The following NAALADL2 variants were observed in gnomAD, a reference collection of about 807,000 sequenced individuals.
NAALADL2 encodes the protein N-acetylated alpha-linked acidic dipeptidase like 2.
Under a neutral mutation model 87.2 loss-of-function variants are expected in NAALADL2, and 76 were observed. The ratio of observed to expected loss-of-function variants is 0.87; its 90% CI spans 0.72 to 1.05. The LOEUF (loss-of-function observed/expected upper bound fraction) is 1.05. Among genes scored for constraint, NAALADL2 ranks in the 50% least tolerant of loss-of-function variants. The probability of loss-of-function intolerance (pLI) is 0.00; values close to 1 mark genes in which losing one functional copy is unlikely to be tolerated. For missense variants in NAALADL2, 1,089 were observed against 945.8 expected (o/e 1.15, Z -1.99); for synonymous variants, 354 against 331.0 (o/e 1.07, Z -0.75).
At chr3:174,832,902 T>G (rs1259322004) in intron 3 of NAALADL2, among the ~76,000 whole-genome samples, 2 of 152,230 alleles carry the variant, frequency 1.3e-5, no homozygotes, top group Non-Finnish European at 2.9e-5. Context: ...AAAGATGTCG[T>G]CGTGTAATTT....
chr3:174,934,304 C>T (rs1005251827), intron 1 of NAALADL2, among the ~76,000 whole-genome samples: 2 of 152,114 alleles, frequency 1.3e-5, no homozygotes, highest in Non-Finnish European at 2.9e-5. Flanking sequence ...GATTACATGT[C>T]AAATGAGCAA....
chr3:175,270,314 G>A (rs965726376), intron 4 of NAALADL2, among the ~76,000 whole-genome samples: 2 of 152,134 alleles, frequency 1.3e-5, no homozygotes, highest in African/African-American at 4.8e-5. Flanking sequence ...GACTTAAGGG[G>A]TGAAAAATAT....
chr3:174,830,256 C>T (rs376861371), intron 3 of NAALADL2, among the ~76,000 whole-genome samples: 5 of 147,682 alleles, frequency 3.4e-5, no homozygotes, highest in South Asian at 4.3e-4. Context: ...TTAGGTCTAA[C>T]GTTTAAGTCT....
chr3:175,147,889 G>A (rs1299050763), intron 2 of NAALADL2, among the ~76,000 whole-genome samples: 1 of 151,824 alleles, frequency 6.6e-6, no homozygotes, highest in Non-Finnish European at 1.5e-5. Flanking sequence ...GACCAACATG[G>A]TGAAACCTCG....
chr3:174,796,434 AT>A (rs1718098716), intron 3 of NAALADL2, among the ~76,000 whole-genome samples: 1 of 152,032 alleles, frequency 6.6e-6, no homozygotes, highest in African/African-American at 2.4e-5. Flanking sequence ...GCCCATGTGT[AT>A]TCATTATTTA....
chr3:175,384,063 CTATT>C (rs1345786887), intron 5 of NAALADL2, among the ~76,000 whole-genome samples: 1 of 151,968 alleles, frequency 6.6e-6, no homozygotes, highest in Non-Finnish European at 1.5e-5. Context: ...TATCATTTGC[CTATT>C]TATTTTTGTA....
intron 9 of NAALADL2, among the ~76,000 whole-genome samples, chr3:175,485,248 G>T (rs1727078361): frequency 6.6e-6 from 1 of 152,134 alleles, no homozygotes. Flanking sequence ...GTTTGGAAGT[G>T]GGACTTTTGG....
At chr3:174,990,601 CA>C in intron 1 of NAALADL2, among the ~76,000 whole-genome samples, 1 of 151,756 alleles carries the variant, frequency 6.6e-6, no homozygotes, top group Non-Finnish European at 1.5e-5. Context: ...AGGAACTTTT[CA>C]AAAGTCGATA....
chr3:175,566,541 G>C (rs1026982949), intron 9 of NAALADL2, among the ~76,000 whole-genome samples: 3 of 151,974 alleles, frequency 2.0e-5, no homozygotes, highest in African/African-American at 7.2e-5. Flanking sequence ...TTATATGTGT[G>C]CAATCTAACT....
chr3:175,669,994 T>C (rs1023491703), intron 11 of NAALADL2, among the ~76,000 whole-genome samples: 1 of 152,054 alleles, frequency 6.6e-6, no homozygotes, highest in Non-Finnish European at 1.5e-5. Flanking sequence ...AATATAAAAA[T>C]GTAGGAATAA....
At chr3:175,006,648 G>GAA (rs146490304) in intron 1 of NAALADL2, among the ~76,000 whole-genome samples, 6,901 of 148,412 alleles carry the variant, frequency 0.046, 380 homozygotes, top group African/African-American at 0.14. Flanking sequence ...GAGGAAAGCA[G>GAA]AAAAAAAAAA....
intron 5 of NAALADL2, among the ~76,000 whole-genome samples, chr3:175,350,426 T>C (rs957669215): frequency 3.3e-5 from 5 of 152,268 alleles, no homozygotes; most frequent in African/African-American, 1.2e-4. Flanking sequence ...ACTGCTAATT[T>C]GGATGGTGTG....
At chr3:175,326,240 T>C (rs1432004901) in intron 5 of NAALADL2, among the ~76,000 whole-genome samples, 4 of 152,220 alleles carry the variant, frequency 2.6e-5, no homozygotes, top group African/African-American at 9.6e-5. Context: ...CAGTTTTCAG[T>C]ACATTGTTCC....
intron 9 of NAALADL2, among the ~76,000 whole-genome samples, chr3:175,482,377 T>C (rs1352471548): frequency 3.4e-5 from 5 of 146,932 alleles, no homozygotes; most frequent in Non-Finnish European, 6.0e-5. Context: ...AACCGTAGAC[T>C]GCAGATGTAG....
chr3:175,658,603 A>G (rs577072081), intron 11 of NAALADL2, among the ~76,000 whole-genome samples: 1 of 152,144 alleles, frequency 6.6e-6, no homozygotes, highest in African/African-American at 2.4e-5. Flanking sequence ...AACAACAAAC[A>G]ATCAGTTCTC....
rs561668494 is a variant in NAALADL2, at chr3:174,582,730, C to T, written c.-115+32093C>T. On this transcript the variant is annotated intron_variant, in intron 2 of 3. Transcript: ENST00000434257. ...CCGAGTAGCTGGGATTACAGGCACACGCCACCATGCCTGACTAATTTTTAT... is the reference window on the plus strand; with the variant it reads ...CCGAGTAGCTGGGATTACAGGCACATGCCACCATGCCTGACTAATTTTTAT... 2.5e-4 allele frequency among the ~76,000 whole-genome samples: 38 copies of T among 152,096 alleles called. No homozygotes were observed. In the South Asian group the frequency reaches 3.1e-3, roughly 12 times the overall value.
chr3:174,924,803 T>C (rs1205812364), intron 1 of NAALADL2, among the ~76,000 whole-genome samples: 1 of 152,232 alleles, frequency 6.6e-6, no homozygotes, highest in Non-Finnish European at 1.5e-5. Flanking sequence ...TGCATTTCTC[T>C]GATGGCCAGT....
Position 175,471,628 on chromosome 3 carries a change from T to TG in NAALADL2, c.1534-10dup. ...TCTTACAGATAGATCCTTTTTTTTT[T>TG]GTTATTTCAGGATTTCAAGAAGGTT... On this transcript the variant is annotated splice_polypyrimidine_tract_variant and intron_variant, in intron 8 of 13. Coordinates refer to ENST00000454872, the MANE Select transcript of NAALADL2 (RefSeq NM_207015.3). 2 of 1,333,484 alleles carry TG rather than the reference T, an allele frequency of 1.5e-6. No individual in the cohort carries two copies. The highest frequency in any genetic ancestry group is 2.1e-6 in the Non-Finnish European group (2 of 960,022). 82.6% of individuals were successfully genotyped at this position (1,333,484 alleles called of 1,614,324 possible). A position where few individuals can be genotyped will look rare whatever the true frequency, so the allele number is the denominator to read the frequency against.
intron 11 of NAALADL2, among the ~76,000 whole-genome samples, chr3:175,667,878 C>T (rs1445974270): frequency 6.6e-6 from 1 of 150,600 alleles, no homozygotes; most frequent in African/African-American, 2.4e-5. Context: ...GGTTTTAATA[C>T]TCTTAAAATC....
Sources: allele counts gnomAD v4.1 joint callset (sites outside exome capture counted in the v4.1 genomes callset), GRCh38; gene constraint gnomAD v4.1.1; transcripts MANE v1.5; gene names NCBI Gene and HGNC (gene_info 2026-07-23, HGNC 2026-07-21).